Variants in LGR6 observed in about 807,000 individuals in gnomAD.
LGR6 encodes leucine-rich repeat-containing G protein-coupled receptor 6.
In LGR6, 45 loss-of-function variants were observed where a neutral mutation model predicts 69.4. The ratio of observed to expected loss-of-function variants is 0.65; its 90% CI spans 0.51 to 0.83. The LOEUF is 0.83. Among genes scored for constraint, LGR6 ranks in the 40% least tolerant of loss-of-function variants. LGR6 has a pLI of 0.00. For synonymous variants in LGR6, 538 were observed against 555.0 expected (o/e 0.97, Z 0.43); for missense variants, 1,108 against 1,246.7 (o/e 0.89, Z 1.68).
intron 4 of LGR6, among the ~76,000 whole-genome samples, chr1:202,244,388 C>T (rs191376515): frequency 2.6e-4 from 39 of 152,278 alleles, no homozygotes; most frequent in African/African-American, 8.9e-4. Flanking sequence ...AAAAACTGGG[C>T]GGCTTAAAAC....
chr1:202,271,064 G>C (rs1301011467), intron 4 of LGR6, among the ~76,000 whole-genome samples: 1 of 152,206 alleles, frequency 6.6e-6, no homozygotes, highest in Non-Finnish European at 1.5e-5. Flanking sequence ...TGAGGGGCCA[G>C]GTCCACGTGG....
In LGR6 at chr1:202,247,321, C is replaced by T. The variant is rs144063232; in HGVS notation, c.428+11328C>T. Among the ~76,000 whole-genome samples, 10 of 152,328 alleles carry T rather than the reference C, an allele frequency of 6.6e-5. No homozygotes were observed. The East Asian group carries it at 1.9e-3, about 29-fold the overall frequency. On this transcript the variant is annotated intron_variant, in intron 4 of 17. Coordinates refer to ENST00000367278, the MANE Select transcript of LGR6 (RefSeq NM_001017403.2). ...TTTAACAGGACCCATCCCTCCACCC[C>T]CCAGGGGATTAGTATGCAATTCAAA...
rs748632435 is a variant in LGR6, at chr1:202,276,296, C to T, written c.429-10C>T. ...CTGGATTGACCCCTCTCCATCCTCT[C>T]TTCCACCAGGCGCCTAGATGCCAAC... On this transcript the variant is annotated splice_polypyrimidine_tract_variant and intron_variant, in intron 4 of 17. Transcript: ENST00000367278. The T allele has an allele frequency of 6.2e-7, 1 of 1,611,384 alleles. No individual in the cohort carries two copies. The highest frequency in any genetic ancestry group is 2.2e-5 in the East Asian group (1 of 44,842).
At chr1:202,280,512 C>G (rs1665920058) in intron 5 of LGR6, among the ~76,000 whole-genome samples, 2 of 152,190 alleles carry the variant, frequency 1.3e-5, no homozygotes, top group African/African-American at 4.8e-5. Context: ...GGGGAACTTG[C>G]TTTAGCCTTG....
intron 4 of LGR6, among the ~76,000 whole-genome samples, chr1:202,263,001 A>G (rs1664358651): frequency 6.7e-6 from 1 of 150,190 alleles, no homozygotes; most frequent in Non-Finnish European, 1.5e-5. Flanking sequence ...CTTCTGTCTT[A>G]GCTTTTTTTC....
intron 7 of LGR6, among the ~76,000 whole-genome samples, chr1:202,300,402 C>A (rs1253034893): frequency 6.6e-6 from 1 of 152,158 alleles, no homozygotes; most frequent in Non-Finnish European, 1.5e-5. Flanking sequence ...ACCTGTAATC[C>A]CAACACTTTG....
chr1:202,233,528 G>C (rs1357913290), intron 3 of LGR6, among the ~76,000 whole-genome samples: 1 of 152,168 alleles, frequency 6.6e-6, no homozygotes, highest in Non-Finnish European at 1.5e-5. Context: ...AGTCAGGATG[G>C]CTGGGAGGGT....
In LGR6 at chr1:202,303,274, T is replaced by C. The variant is rs765803410; in HGVS notation, c.930-5T>C. 192 of 1,612,078 alleles carry C rather than the reference T, an allele frequency of 1.2e-4. No individual in the cohort carries two copies. Among genetic ancestry groups the C allele is most frequent in the Non-Finnish European group, 1.6e-4 (185 of 1,178,102 alleles). Reference sequence around the variant, plus strand: ...CCCCTCAGAGCTCATTGTCTCTATTTCCAGATCTCTGAATGGTGCCATGGA... The same window carrying C: ...CCCCTCAGAGCTCATTGTCTCTATTCCCAGATCTCTGAATGGTGCCATGGA... On this transcript the variant is annotated splice_region_variant and splice_polypyrimidine_tract_variant and intron_variant, in intron 9 of 17. Coordinates refer to ENST00000367278, the MANE Select transcript of LGR6 (RefSeq NM_001017403.2).
chr1:202,267,385 C>T (rs1664756678), intron 4 of LGR6, among the ~76,000 whole-genome samples: 1 of 152,160 alleles, frequency 6.6e-6, no homozygotes, highest in Non-Finnish European at 1.5e-5. Context: ...TGTTTAGTCC[C>T]TTTGGCTACA....
intron 4 of LGR6, among the ~76,000 whole-genome samples, chr1:202,269,499 G>A (rs1571931422): frequency 6.6e-6 from 1 of 152,296 alleles, no homozygotes; most frequent in East Asian, 1.9e-4. Flanking sequence ...CAGGTACTAG[G>A]ACTGGCTGGA....
At chr1:202,208,530 G>T (rs778113674) in intron 1 of LGR6, among the ~76,000 whole-genome samples, 13 of 152,038 alleles carry the variant, frequency 8.6e-5, no homozygotes, top group Non-Finnish European at 1.6e-4. Flanking sequence ...CAGGGGCCGG[G>T]ATAGGACATG....
At chr1:202,254,634 C>T (rs910435111) in intron 4 of LGR6, among the ~76,000 whole-genome samples, 7 of 152,170 alleles carry the variant, frequency 4.6e-5, no homozygotes, top group Non-Finnish European at 8.8e-5. Flanking sequence ...GAGACATGTT[C>T]ACAAATAGTA....
Position 202,230,898 on chromosome 1 carries a change from G to C in LGR6, c.356+2891G>C, listed in dbSNP as rs796916057. On this transcript the variant is annotated intron_variant, in intron 3 of 17. Transcript: ENST00000367278. ...TACCAGGCCCAGATCTGGGAAACTG[G>C]GGTAACAGTCTGAGGACCTGCCTCC... 3.3e-5 allele frequency among the ~76,000 whole-genome samples: 5 copies of C among 152,296 alleles called. 1 individual carries two copies. The highest frequency in any genetic ancestry group is 1.2e-4 in the African/African-American group (5 of 41,562).
chr1:202,287,145 A>T (rs924676705), intron 6 of LGR6, among the ~76,000 whole-genome samples: 2 of 152,244 alleles, frequency 1.3e-5, no homozygotes, highest in African/African-American at 4.8e-5. Context: ...AGGAGCTGGT[A>T]AGAATTAAAG....
rs558452639 is a variant in LGR6, at chr1:202,264,889, A to G, written c.429-11417A>G. Among the ~76,000 whole-genome samples, 137 of 152,240 alleles carry G rather than the reference A, an allele frequency of 9.0e-4. 1 individual carries two copies. Among genetic ancestry groups the G allele is most frequent in the African/African-American group, 2.9e-3 (121 of 41,538 alleles). The stretch of plus-strand genomic sequence containing the variant: ...CCCAGGGGTTCTTGCACACCCATCA[A>G]TGCTCCTGACAGATGGAAGGAAAGG... On this transcript the variant is annotated intron_variant, in intron 4 of 17. Coordinates refer to ENST00000367278, the MANE Select transcript of LGR6 (RefSeq NM_001017403.2).
At chr1:202,297,626 G>A (rs1328756022) in intron 7 of LGR6, 50 bp downstream of exon 7, 4 of 1,503,826 alleles carry the variant, frequency 2.7e-6, no homozygotes, top group South Asian at 2.3e-5. Context: ...CCAAGGGCAG[G>A]GGCTGAAGCC....
intron 4 of LGR6, among the ~76,000 whole-genome samples, chr1:202,256,325 C>G (rs1663770026): frequency 6.6e-6 from 1 of 152,074 alleles, no homozygotes; most frequent in African/African-American, 2.4e-5. Flanking sequence ...CTCACTGCAA[C>G]CACTGTCTCC....
intron 5 of LGR6, 128 bp downstream of exon 5, chr1:202,276,649 TC>T: frequency 1.4e-6 from 1 of 740,544 alleles, no homozygotes; most frequent in Non-Finnish European, 2.2e-6. Flanking sequence ...CCTTCTGGCC[TC>T]CCTTTGGAAA....
chr1:202,250,927 A>G (rs779633769), intron 4 of LGR6, among the ~76,000 whole-genome samples: 8 of 152,040 alleles, frequency 5.3e-5, no homozygotes, highest in Non-Finnish European at 1.2e-4. Context: ...TTCTGCCATA[A>G]CTCCCTGGTT....
Sources: allele counts gnomAD v4.1 joint callset (sites outside exome capture counted in the v4.1 genomes callset), GRCh38; gene constraint gnomAD v4.1.1; transcripts MANE v1.5; gene names NCBI Gene and HGNC (gene_info 2026-07-23, HGNC 2026-07-21).